Variants in THSD7B observed in about 807,000 individuals in gnomAD.
THSD7B encodes thrombospondin type 1 domain containing 7B, also known as thrombospondin type-1 domain-containing protein 7B.
Under a neutral mutation model 213.6 loss-of-function variants are expected in THSD7B, and 138 were observed. That is an observed-to-expected ratio of 0.65 (90% CI 0.56 to 0.74). The LOEUF is 0.74. Ranked by LOEUF, THSD7B falls within the 30% of genes least tolerant of loss-of-function variation. The pLI, the probability that THSD7B is intolerant of heterozygous loss-of-function variation, is 0.00. For missense variants in THSD7B, 1,931 were observed against 1,991.5 expected, an observed-to-expected ratio of 0.97 and a Z score of 0.58; for synonymous variants, 742 against 687.0, an observed-to-expected ratio of 1.08 and a Z score of -1.25.
At position 137,059,651 on chromosome 2, in the gene THSD7B, A is replaced by T. The variant is rs185928214; in HGVS notation, c.950+2421A>T. ...TTATATATGTAGCTTTTTCTGGTTGACTTATTTCACTTTGCAATACGCATT... is the reference window on the plus strand; with the variant it reads ...TTATATATGTAGCTTTTTCTGGTTGTCTTATTTCACTTTGCAATACGCATT... On this transcript the variant is annotated intron_variant, in intron 3 of 27. Coordinates refer to ENST00000409968, the MANE Select transcript of THSD7B (RefSeq NM_001316349.2). Among the ~76,000 whole-genome samples, 608 of 152,170 alleles carry T rather than the reference A, an allele frequency of 4.0e-3. 7 individuals are homozygous for T. The highest frequency in any genetic ancestry group is 0.014 in the African/African-American group (583 of 41,514).
At chr2:136,934,412 A>C (rs1224419031) in intron 2 of THSD7B, among the ~76,000 whole-genome samples, 1 of 152,214 alleles carries the variant, frequency 6.6e-6, no homozygotes. Flanking sequence ...TAGTTAATGG[A>C]TTGTTCAGAA....
At chr2:137,131,533 A>T (rs1282153342) in intron 5 of THSD7B, among the ~76,000 whole-genome samples, 1 of 152,182 alleles carries the variant, frequency 6.6e-6, no homozygotes. Flanking sequence ...TAAGTCTTTA[A>T]TCCATCTTGA....
intron 12 of THSD7B, among the ~76,000 whole-genome samples, chr2:137,377,533 G>A (rs181557223): frequency 4.1e-4 from 62 of 152,070 alleles, no homozygotes; most frequent in East Asian, 2.7e-3. Flanking sequence ...GTTTTGTGAC[G>A]TGATGTCTGA....
At chr2:136,880,975 A>T (rs932706731) in intron 1 of THSD7B, among the ~76,000 whole-genome samples, 2 of 152,044 alleles carry the variant, frequency 1.3e-5, no homozygotes, top group African/African-American at 4.8e-5. Flanking sequence ...TATGTTTTAA[A>T]TCTCATCTTA....
chr2:137,225,964 A>G (rs1022983019), intron 7 of THSD7B, among the ~76,000 whole-genome samples: 2 of 151,782 alleles, frequency 1.3e-5, no homozygotes, highest in Non-Finnish European at 2.9e-5. Context: ...TTAGGGTCTC[A>G]ATCCAGAAGT....
chr2:137,603,926 C>T (rs1187905952), intron 17 of THSD7B, among the ~76,000 whole-genome samples: 1 of 152,084 alleles, frequency 6.6e-6, no homozygotes, highest in Non-Finnish European at 1.5e-5. Flanking sequence ...GCCTGGCCAA[C>T]ATGGTGAAAC....
intron 6 of THSD7B, among the ~76,000 whole-genome samples, chr2:137,169,166 G>GAA (rs1680191941): frequency 1.9e-5 from 2 of 103,014 alleles, no homozygotes; most frequent in Admixed American, 9.6e-5. Context: ...GGTTATCTTA[G>GAA]GAAAAAAAAA....
chr2:137,611,241 T>G (rs2104833347), intron 17 of THSD7B, among the ~76,000 whole-genome samples: 1 of 151,972 alleles, frequency 6.6e-6, no homozygotes, highest in Non-Finnish European at 1.5e-5. Flanking sequence ...AAATCATTGT[T>G]TACCTATTGA....
chr2:136,908,059 GA>G (rs1272249144), intron 2 of THSD7B, among the ~76,000 whole-genome samples: 1 of 152,066 alleles, frequency 6.6e-6, no homozygotes, highest in Non-Finnish European at 1.5e-5. Context: ...TCTTTTCACA[GA>G]ATTTGACAGC....
chr2:136,895,827 T>A (rs2105006591), intron 2 of THSD7B, among the ~76,000 whole-genome samples: 1 of 152,256 alleles, frequency 6.6e-6, no homozygotes, highest in South Asian at 2.1e-4. Context: ...CAATAAATTG[T>A]CTTCTCTGGA....
chr2:136,998,909 GACACACACACACACACACACACAC>G lies in THSD7B; in HGVS notation c.140-57484_140-57461del, dbSNP rs57138045. On this transcript the variant is annotated intron_variant, in intron 2 of 27. Coordinates refer to ENST00000409968, the MANE Select transcript of THSD7B (RefSeq NM_001316349.2). ...TTTCATGCTCCTTGAATACCCAACA[GACACACACACACACACACACACAC>G]ACACACACACACACACACACACACA... 1.4e-3 allele frequency among the ~76,000 whole-genome samples: 185 copies of G among 129,982 alleles called. 1 individual carries two copies. The highest frequency in any genetic ancestry group is 2.5e-3 in the Admixed American group (30 of 12,218). The allele number at this position is 129,982 out of a possible 152,430, so 85.3% of individuals were successfully genotyped here.
intron 2 of THSD7B, among the ~76,000 whole-genome samples, chr2:137,043,223 G>A (rs1686913185): frequency 6.6e-6 from 1 of 152,174 alleles, no homozygotes; most frequent in South Asian, 2.1e-4. Context: ...TTTACTTTGA[G>A]CCCTTCCTAC....
At chr2:137,092,255 AT>A (rs886582858) in intron 3 of THSD7B, among the ~76,000 whole-genome samples, 1 of 152,066 alleles carries the variant, frequency 6.6e-6, no homozygotes, top group African/African-American at 2.4e-5. Flanking sequence ...TCTACAAAAT[AT>A]ACAAAAATTA....
intron 1 of THSD7B, among the ~76,000 whole-genome samples, chr2:136,789,077 A>C (rs1681916726): frequency 6.6e-6 from 1 of 152,140 alleles, no homozygotes; most frequent in Admixed American, 6.5e-5. Context: ...TATTCAGTAC[A>C]AAATTAGGTT....
chr2:137,402,274 G>A (rs955348646), intron 12 of THSD7B, among the ~76,000 whole-genome samples: 10 of 151,954 alleles, frequency 6.6e-5, no homozygotes, highest in East Asian at 5.8e-4. Context: ...AATTACTACC[G>A]TTTGACTACA....
chr2:137,445,404 T>C (rs1364020347), intron 14 of THSD7B, among the ~76,000 whole-genome samples: 2 of 151,926 alleles, frequency 1.3e-5, no homozygotes, highest in African/African-American at 4.8e-5. Context: ...ATATACACAA[T>C]GGAATATTAT....
rs1043996395 is a variant in THSD7B, at chr2:137,254,246, T to C, written c.2266+11674T>C. Among the ~76,000 whole-genome samples, 6 of 152,210 alleles carry C rather than the reference T, an allele frequency of 3.9e-5. No homozygotes were observed. The South Asian group carries it at 1.2e-3, about 31-fold the overall frequency. On this transcript the variant is annotated intron_variant, in intron 10 of 27. Transcript: ENST00000409968. ...TAAATAAAATATCCAAAAATAAGTA[T>C]GCTAGGAATGATAGACTCTCTGCCT...
intron 17 of THSD7B, among the ~76,000 whole-genome samples, chr2:137,610,785 A>G (rs1682274265): frequency 6.6e-6 from 1 of 152,042 alleles, no homozygotes; most frequent in Non-Finnish European, 1.5e-5. Flanking sequence ...TAGATGTCAT[A>G]TAATTGAAAG....
chr2:137,364,292 T>G (rs944838201), intron 12 of THSD7B, among the ~76,000 whole-genome samples: 1 of 152,214 alleles, frequency 6.6e-6, no homozygotes, highest in Non-Finnish European at 1.5e-5. Context: ...AATATCATAC[T>G]GAATGGGCAA....
Sources: allele counts gnomAD v4.1 joint callset (sites outside exome capture counted in the v4.1 genomes callset), GRCh38; gene constraint gnomAD v4.1.1; transcripts MANE v1.5; gene names NCBI Gene and HGNC (gene_info 2026-07-23, HGNC 2026-07-21).